Variants in PAXIP1 observed in about 807,000 individuals in gnomAD.
The protein encoded by PAXIP1 is PAX interacting protein 1.
A neutral mutation model predicts 140.6 loss-of-function variants in PAXIP1; 19 were observed. The ratio of observed to expected loss-of-function variants is 0.14; its 90% CI spans 0.09 to 0.20. The LOEUF is 0.20. PAXIP1 is among the 10% of genes least tolerant of loss of function. The probability of loss-of-function intolerance (pLI) is 1.00; values close to 1 mark genes in which losing one functional copy is unlikely to be tolerated. For missense variants in PAXIP1, 920 were observed against 1,208.6 expected, an observed-to-expected ratio of 0.76 and a Z score of 3.54; for synonymous variants, 442 against 444.6, an observed-to-expected ratio of 0.99 and a Z score of 0.07.
At chr7:154,969,940 A>G (rs553319900) in intron 6 of PAXIP1, among the ~76,000 whole-genome samples, 2 of 152,300 alleles carry the variant, frequency 1.3e-5, no homozygotes, top group South Asian at 2.1e-4. Context: ...AAGAATTCAA[A>G]CCAGACTATT....
At position 154,963,084 on chromosome 7, in the gene PAXIP1, G is replaced by A. The variant is rs142144771; in HGVS notation, c.1989+587C>T. 1.1e-3 allele frequency among the ~76,000 whole-genome samples: 161 copies of A among 152,326 alleles called. No homozygotes were observed. Among genetic ancestry groups the A allele is most frequent in the South Asian group, 6.4e-3 (31 of 4,830 alleles). On this transcript the variant is annotated intron_variant, in intron 9 of 20. Transcript: ENST00000404141. This position sits in a 1 kb window ranked among gnomAD's most constrained non-coding sequence, Gnocchi z 4.1. The stretch of plus-strand genomic sequence containing the variant: ...AGGGACCTGGTCTTTACACGCTTGT[G>A]TGCAAGTCACACACCAGTACAGAAT...
intron 1 of PAXIP1, chr7:155,000,850 GTTC>G (rs1810855737): frequency 6.6e-6 from 1 of 152,158 alleles, no homozygotes; most frequent in African/African-American, 2.4e-5. Context: ...ATTCCTTCAT[GTTC>G]TTAACTTCTG....
chr7:154,967,741 A>G (rs1221207875), intron 8 of PAXIP1, 75 bp downstream of exon 8: 1 of 986,508 alleles, frequency 1.0e-6, no homozygotes, highest in African/African-American at 1.6e-5. Flanking sequence ...AATGCAGCTA[A>G]GTGAACACAG....
intron 5 of PAXIP1, among the ~76,000 whole-genome samples, chr7:154,982,520 T>C (rs2150773248): frequency 6.6e-6 from 1 of 152,324 alleles, no homozygotes; most frequent in Non-Finnish European, 1.5e-5. Flanking sequence ...CTGGCTAATT[T>C]TTGTATTTTT....
At chr7:154,948,403 T>C in intron 16 of PAXIP1, 1 of 188,774 alleles carries the variant, frequency 5.3e-6, no homozygotes, top group Admixed American at 5.6e-5. Context: ...TAAAATCAGC[T>C]TGGCATGGTG....
At position 154,986,311 on chromosome 7, in the gene PAXIP1, A is replaced by T. The variant is rs937854493; in HGVS notation, c.325-2979T>A. 5 of 464,414 alleles carry T rather than the reference A, an allele frequency of 1.1e-5. No homozygotes were observed. The highest frequency in any genetic ancestry group is 4.1e-5 in the African/African-American group (2 of 48,538). The allele number at this position is 464,414 out of a possible 1,614,324, so 28.8% of individuals were successfully genotyped here. A position where few individuals can be genotyped will look rare whatever the true frequency, so the allele number is the denominator to read the frequency against. On this transcript the variant is annotated intron_variant, in intron 4 of 20. Transcript: ENST00000404141. This position sits in a 1 kb window ranked among gnomAD's most constrained non-coding sequence, Gnocchi z 4.8. ...GCTCCAGTGTGCAGAAAAGGTGCAG[A>T]TCCCTCTGACAGTCTCCAATCAGTT...
intron 5 of PAXIP1, among the ~76,000 whole-genome samples, chr7:154,979,693 A>C (rs1809754354): frequency 6.6e-6 from 1 of 151,362 alleles, no homozygotes; most frequent in South Asian, 2.1e-4. Context: ...TAATATAACC[A>C]TTTTGGTTTT....
At chr7:154,985,941 T>C (rs1265536257) in intron 4 of PAXIP1, 10 of 1,187,524 alleles carry the variant, frequency 8.4e-6, no homozygotes, top group Non-Finnish European at 1.1e-5. Context: ...TGGAAAGGAC[T>C]TTTTAGTCTT....
chr7:154,982,231 T>C (rs1216582556), intron 5 of PAXIP1, among the ~76,000 whole-genome samples: 3 of 152,378 alleles, frequency 2.0e-5, no homozygotes, highest in Non-Finnish European at 4.4e-5. Flanking sequence ...TATATAATGC[T>C]TTCTATAGAA....
Position 154,943,746 on chromosome 7 carries a change from C to A in PAXIP1, c.*403G>T. ...GGCAAGATATCAATATAAAAGAAAACAGAGTATAAGAAATAAAAATAATCA... is the reference window on the plus strand; with the variant it reads ...GGCAAGATATCAATATAAAAGAAAAAAGAGTATAAGAAATAAAAATAATCA... On this transcript the variant is annotated 3_prime_UTR_variant, in exon 21 of 21. Transcript: ENST00000404141. 5.8e-6 allele frequency: 1 copy of A among 171,188 alleles called. No homozygotes were observed. Among genetic ancestry groups the A allele is most frequent in the East Asian group, 1.7e-4 (1 of 5,908 alleles). The allele number at this position is 171,188 out of a possible 1,614,324, so 10.6% of individuals were successfully genotyped here.
chr7:154,999,099 G>A (rs906997493), intron 1 of PAXIP1, among the ~76,000 whole-genome samples: 1 of 152,182 alleles, frequency 6.6e-6, no homozygotes, highest in Non-Finnish European at 1.5e-5. Flanking sequence ...CCACTGCTGC[G>A]GTGGGGCCAC....
chr7:154,986,101 T>C lies in PAXIP1; in HGVS notation c.325-2769A>G, dbSNP rs751247910. The stretch of plus-strand genomic sequence containing the variant: ...GATCTCTGTGCTTCCCAACTTCTGC[T>C]GGACAAGCTCCCTTCCCTACCTCTC... On this transcript the variant is annotated intron_variant, in intron 4 of 20. Coordinates refer to ENST00000404141, the MANE Select transcript of PAXIP1 (RefSeq NM_007349.4). This position sits in a 1 kb window ranked among gnomAD's most constrained non-coding sequence, Gnocchi z 4.8. 1 of 1,364,102 alleles carries C rather than the reference T, an allele frequency of 7.3e-7. No homozygotes were observed. The highest frequency in any genetic ancestry group is 1.5e-5 in the African/African-American group (1 of 67,820). The allele number at this position is 1,364,102 out of a possible 1,614,324, so 84.5% of individuals were successfully genotyped here.
intron 4 of PAXIP1, among the ~76,000 whole-genome samples, chr7:154,988,472 ACT>A (rs1264552219): frequency 6.6e-6 from 1 of 152,162 alleles, no homozygotes; most frequent in Non-Finnish European, 1.5e-5. Flanking sequence ...ACAAATATAA[ACT>A]CTGTTAAACA....
chr7:154,999,577 T>A (rs1382747777), intron 1 of PAXIP1, among the ~76,000 whole-genome samples: 1 of 152,114 alleles, frequency 6.6e-6, no homozygotes, highest in Non-Finnish European at 1.5e-5. Context: ...TGTGAGAGAA[T>A]CGGCAAGCCT....
intron 3 of PAXIP1, 77 bp from the exon 4 acceptor site, chr7:154,991,146 A>T (rs1248335024): frequency 4.4e-6 from 3 of 676,310 alleles, no homozygotes; most frequent in Non-Finnish European, 7.6e-6. Context: ...TTACCCACCC[A>T]CTCCGTCCCC....
chr7:155,001,596 C>T (rs1004721470), intron 1 of PAXIP1: 2 of 151,416 alleles, frequency 1.3e-5, no homozygotes, highest in African/African-American at 2.4e-5. Context: ...CTCCCAGGTT[C>T]CAGCAATTCT....
rs1809541338 is a variant in PAXIP1, at chr7:154,975,745, G to A, written c.1025C>T (p.Thr342Ile). 2 of 1,613,706 alleles carry A rather than the reference G, an allele frequency of 1.2e-6. No individual in the cohort carries two copies. The highest frequency in any genetic ancestry group is 8.5e-7 in the Non-Finnish European group (1 of 1,179,686). Residue 342 changes from threonine to isoleucine, a missense_variant, in exon 6 of 21, where the codon ACT becomes ATT. Around this residue, in one of 5 missense-constraint regions of PAXIP1, gnomAD observed 419 missense variants for 514.7 expected, o/e 0.81. Transcript: ENST00000404141. ...CATCTGCTGAATGTCAGCATTATTA[G>A]TAATATTCCTCAGTGTCCGTACAGC... ...SPAVRTLRNI[T>I]NNADIQQMNR...
At chr7:154,981,930 C>T (rs1167702648) in intron 5 of PAXIP1, among the ~76,000 whole-genome samples, 5 of 152,020 alleles carry the variant, frequency 3.3e-5, no homozygotes, top group South Asian at 4.1e-4. Flanking sequence ...GGGGAAAAAA[C>T]GCTAAATTAA....
chr7:154,961,686 A>G, intron 10 of PAXIP1, 38 bp from the exon 11 acceptor site: 5 of 1,522,640 alleles, frequency 3.3e-6, no homozygotes, highest in Non-Finnish European at 4.4e-6. Flanking sequence ...ACACAAAATA[A>G]GCAAAAAACC....
Sources: allele counts gnomAD v4.1 joint callset (sites outside exome capture counted in the v4.1 genomes callset), GRCh38; gene constraint gnomAD v4.1.1; regional missense constraint gnomAD v4.1.1; non-coding constraint Gnocchi (gnomAD v3.1); transcripts MANE v1.5; gene names NCBI Gene and HGNC (gene_info 2026-07-23, HGNC 2026-07-21).